Variants in BMPR1A observed in about 807,000 individuals in gnomAD.
BMPR1A encodes the protein bone morphogenetic protein receptor type-1A.
Under a neutral mutation model 66.0 loss-of-function variants are expected in BMPR1A, and 7 were observed. The observed-to-expected ratio is 0.11, with a 90% confidence interval of 0.06 to 0.20. The LOEUF (loss-of-function observed/expected upper bound fraction) is 0.20, where lower values mean the gene tolerates loss of function less well. BMPR1A is among the 10% of genes least tolerant of loss of function. The probability of loss-of-function intolerance (pLI) is 1.00; values close to 1 mark genes in which losing one functional copy is unlikely to be tolerated. For missense variants in BMPR1A, 408 were observed against 669.1 expected, an observed-to-expected ratio of 0.61 and a Z score of 4.31; for synonymous variants, 200 against 229.7, an observed-to-expected ratio of 0.87 and a Z score of 1.17.
chr10:86,921,595 C>A lies in BMPR1A; in HGVS notation c.1242C>A (p.Asp414Glu), dbSNP rs767296986. Residue 414 changes from aspartate (D) to glutamate (E), a missense_variant, in exon 11 of 13, where the codon GAC (aspartate) becomes GAA (glutamate). By Grantham distance (45) the Asp-to-Glu change is conservative. Coordinates refer to ENST00000372037, the MANE Select transcript of BMPR1A (RefSeq NM_004329.3). ...TKRYMAPEVL[D>E]ESLNKNHFQP... Reference sequence around the variant, plus strand: ...GCTACATGGCTCCCGAAGTGCTGGACGAAAGCCTGAACAAAAACCACTTCC... The same window carrying A: ...GCTACATGGCTCCCGAAGTGCTGGAAGAAAGCCTGAACAAAAACCACTTCC... 6.2e-7 allele frequency: 1 copy of A among 1,614,152 alleles called. No homozygotes were observed. Among genetic ancestry groups the A allele is most frequent in the Middle Eastern group, 1.6e-4 (1 of 6,062 alleles).
At chr10:86,864,972 A>AC (rs879949759) in intron 2 of BMPR1A, among the ~76,000 whole-genome samples, 8 of 149,592 alleles carry the variant, frequency 5.3e-5, no homozygotes, top group Non-Finnish European at 7.4e-5. Flanking sequence ...TCTCCATACC[A>AC]CCCCCCAAAA....
chr10:86,916,853 C>T (rs1047236623), intron 8 of BMPR1A, among the ~76,000 whole-genome samples: 2 of 151,994 alleles, frequency 1.3e-5, no homozygotes, highest in East Asian at 1.9e-4. Context: ...ATTAGCTGGG[C>T]ATGGTGGCGG....
chr10:86,777,089 G>A (rs1435803971), intron 1 of BMPR1A, among the ~76,000 whole-genome samples: 1 of 151,856 alleles, frequency 6.6e-6, no homozygotes, highest in African/African-American at 2.4e-5. Context: ...CTCTCCTTAT[G>A]TCCTTACCCT....
chr10:86,781,594 T>C (rs1841437567), intron 1 of BMPR1A, among the ~76,000 whole-genome samples: 1 of 152,190 alleles, frequency 6.6e-6, no homozygotes, highest in Non-Finnish European at 1.5e-5. Context: ...ATTGGATCTG[T>C]AGATTGCTTT....
At chr10:86,799,505 CCTTT>C (rs777525859) in intron 1 of BMPR1A, among the ~76,000 whole-genome samples, 4 of 58,142 alleles carry the variant, frequency 6.9e-5, no homozygotes. Flanking sequence ...TTCCTTCCTT[CCTTT>C]CTTTTCTTTT....
intron 2 of BMPR1A, among the ~76,000 whole-genome samples, chr10:86,847,782 C>T (rs1842508059): frequency 6.6e-6 from 1 of 151,946 alleles, no homozygotes; most frequent in Admixed American, 6.6e-5. Flanking sequence ...TCCCTCTTCC[C>T]CACCCTTCAC....
chr10:86,855,807 G>A, intron 2 of BMPR1A: 2 of 1,112,164 alleles, frequency 1.8e-6, no homozygotes, highest in Non-Finnish European at 1.3e-6. Context: ...CTGTTTCCTG[G>A]TAGAATGGAG....
chr10:86,813,067 A>G (rs1009219300), intron 1 of BMPR1A, among the ~76,000 whole-genome samples: 4 of 152,344 alleles, frequency 2.6e-5, no homozygotes, highest in African/African-American at 9.6e-5. Context: ...TAACAATTTT[A>G]AAAATAATGA....
chr10:86,840,848 AAT>A (rs879683881), intron 2 of BMPR1A, among the ~76,000 whole-genome samples: 1 of 152,026 alleles, frequency 6.6e-6, no homozygotes, highest in Non-Finnish European at 1.5e-5. Context: ...TTACCTCTCT[AAT>A]GTATCACAAA....
rs1211618766 is a variant in BMPR1A, at chr10:86,895,329, G to A, written c.333+3100G>A. Among the ~76,000 whole-genome samples the A allele has an allele frequency of 2.6e-5, 4 of 151,368 alleles. No individual in the cohort carries two copies. The East Asian group carries it at 7.9e-4, about 30-fold the overall frequency. ...GAGGCGAGCAGATCATCTGAGGTCA[G>A]GACTTAGAGACCAGCCTGATCAACA... is the stretch of plus-strand genomic sequence containing the variant. On this transcript the variant is annotated intron_variant, in intron 5 of 12. Transcript: ENST00000372037.
intron 8 of BMPR1A, 79 bp downstream of exon 8, chr10:86,912,463 T>G (rs1843506041): frequency 1.3e-6 from 2 of 1,551,962 alleles, no homozygotes; most frequent in South Asian, 2.2e-5. Flanking sequence ...GTATAATTAT[T>G]GCAGATCAGG....
intron 11 of BMPR1A, among the ~76,000 whole-genome samples, 170 bp from the exon 12 acceptor site, chr10:86,923,206 A>AT (rs1369331588): frequency 6.6e-6 from 1 of 152,094 alleles, no homozygotes; most frequent in East Asian, 2.0e-4. Flanking sequence ...ATAGTTGGAC[A>AT]TAAATAAGAG....
At position 86,802,940 on chromosome 10, in the gene BMPR1A, A is replaced by G. The variant is rs188689843; in HGVS notation, c.-267-35925A>G. Among the ~76,000 whole-genome samples the G allele has an allele frequency of 3.4e-5, 5 of 147,940 alleles. No individual in the cohort carries two copies. The East Asian group carries it at 8.6e-4, about 25-fold the overall frequency. ...ACAAAGATTAGCCAGGCATTGTGAT[A>G]CATGGCTGTGGCCCTATCTAGGGAT... On this transcript the variant is annotated intron_variant, in intron 1 of 12. Coordinates refer to ENST00000372037, the MANE Select transcript of BMPR1A (RefSeq NM_004329.3).
At chr10:86,890,250 A>C in intron 4 of BMPR1A, 26 bp downstream of exon 4, 1 of 1,612,480 alleles carries the variant, frequency 6.2e-7, no homozygotes, top group Non-Finnish European at 8.5e-7. Flanking sequence ...AGCCCTTCTT[A>C]AGAGTTAGGA....
chr10:86,848,948 A>T (rs1842527257), intron 2 of BMPR1A, among the ~76,000 whole-genome samples: 1 of 152,110 alleles, frequency 6.6e-6, no homozygotes, highest in Admixed American at 6.5e-5. Flanking sequence ...CTTGGTTGGG[A>T]TGGTTACTTC....
At chr10:86,806,777 T>C (rs1229911477) in intron 1 of BMPR1A, among the ~76,000 whole-genome samples, 1 of 152,054 alleles carries the variant, frequency 6.6e-6, no homozygotes. Flanking sequence ...TTGATACTCC[T>C]GGGCTCAAGG....
chr10:86,872,897 C>T (rs1460458747), intron 2 of BMPR1A, among the ~76,000 whole-genome samples: 5 of 152,044 alleles, frequency 3.3e-5, no homozygotes, highest in African/African-American at 4.8e-5. Flanking sequence ...AGATTACAGG[C>T]GGTCACCACC....
At chr10:86,820,775 C>A (rs1442415403) in intron 1 of BMPR1A, among the ~76,000 whole-genome samples, 5 of 151,674 alleles carry the variant, frequency 3.3e-5, no homozygotes, top group African/African-American at 4.9e-5. Flanking sequence ...TGGTTGGCAT[C>A]TACCACTTCT....
intron 1 of BMPR1A, among the ~76,000 whole-genome samples, chr10:86,831,328 G>T (rs540516716): frequency 6.6e-6 from 1 of 152,166 alleles, no homozygotes; most frequent in East Asian, 1.9e-4. Context: ...TATTTGGGAT[G>T]TCTTTTTATG....
Sources: gnomAD v4.1 joint callset for allele counts (sites outside exome capture counted in the v4.1 genomes callset) on GRCh38, gnomAD v4.1.1 for gene constraint, MANE v1.5 for transcripts, NCBI Gene and HGNC (gene_info 2026-07-23, HGNC 2026-07-21) for gene names.